The following PDE3B variants were observed in gnomAD, a reference collection of about 807,000 sequenced individuals.
PDE3B encodes the protein cGMP-inhibited 3',5'-cyclic phosphodiesterase 3B.
In PDE3B, 66 loss-of-function variants were observed where a neutral mutation model predicts 116.8. That is an observed-to-expected ratio of 0.56 (90% CI 0.46 to 0.69). The LOEUF (loss-of-function observed/expected upper bound fraction) is 0.69, where lower values mean the gene tolerates loss of function less well. Ranked by LOEUF, PDE3B falls within the 30% of genes least tolerant of loss-of-function variation. The pLI is 0.00. For missense variants in PDE3B, 1,384 were observed against 1,368.1 expected (o/e 1.01, Z -0.18); for synonymous variants, 595 against 533.6 (o/e 1.12, Z -1.59).
intron 1 of PDE3B, among the ~76,000 whole-genome samples, chr11:14,760,552 C>T (rs369149448): frequency 6.7e-4 from 102 of 152,208 alleles, no homozygotes; most frequent in African/African-American, 2.3e-3. Context: ...CCTCATTGAC[C>T]ATCAGCATAC....
At chr11:14,704,484 G>A (rs1013860975) in intron 1 of PDE3B, among the ~76,000 whole-genome samples, 4 of 151,648 alleles carry the variant, frequency 2.6e-5, no homozygotes, top group Admixed American at 2.0e-4. Flanking sequence ...CAGATCAATA[G>A]TCAAAGCAAT....
At chr11:14,718,517 G>A (rs1349249759) in intron 1 of PDE3B, among the ~76,000 whole-genome samples, 3 of 148,642 alleles carry the variant, frequency 2.0e-5, no homozygotes, top group Non-Finnish European at 4.5e-5. Context: ...CCACATAGTT[G>A]GAAGTAAAGC....
At chr11:14,663,423 A>T (rs904065610) in intron 1 of PDE3B, among the ~76,000 whole-genome samples, 1 of 152,150 alleles carries the variant, frequency 6.6e-6, no homozygotes, top group Non-Finnish European at 1.5e-5. Context: ...TAACCAGCTA[A>T]CATCATAATG....
intron 4 of PDE3B, among the ~76,000 whole-genome samples, chr11:14,797,727 G>T (rs920563605): frequency 2.6e-5 from 4 of 152,024 alleles, no homozygotes; most frequent in Admixed American, 6.6e-5. Context: ...TGGCTCTCTT[G>T]TTTGTCTGTT....
chr11:14,880,857 G>T, the PDE3B span: 40 of 1,242,992 alleles, frequency 3.2e-5, no homozygotes, highest in East Asian at 9.9e-4. Context: ...TGGATGGTTA[G>T]TCATCCTTCT....
At chr11:14,869,299 T>C (rs1281851801) in intron 15 of PDE3B, among the ~76,000 whole-genome samples, 162 bp from the exon 16 acceptor site, 1 of 152,052 alleles carries the variant, frequency 6.6e-6, no homozygotes. Context: ...GGATTATTTT[T>C]ATAGTACTAT....
intron 1 of PDE3B, among the ~76,000 whole-genome samples, chr11:14,667,104 G>A (rs947718505): frequency 2.4e-4 from 36 of 151,872 alleles, no homozygotes; most frequent in African/African-American, 4.6e-4. Flanking sequence ...CTATGCAGCC[G>A]TAAAAAATGA....
chr11:14,686,952 A>T (rs975695789), intron 1 of PDE3B, among the ~76,000 whole-genome samples: 3 of 152,116 alleles, frequency 2.0e-5, no homozygotes, highest in African/African-American at 7.2e-5. Context: ...TGACCTTGTG[A>T]TCCACCTGCC....
chr11:14,858,897 C>T lies in PDE3B; in HGVS notation c.2521-146C>T, dbSNP rs932622710. ...CTACTCATTTATAAAATTATCACAA[C>T]CTATTTTCACAGGTACTAAAATACC... On this transcript the variant is annotated intron_variant, in intron 12 of 15. Transcript: ENST00000282096. 11 of 564,262 alleles carry T rather than the reference C, an allele frequency of 1.9e-5. No individual in the cohort carries two copies. The South Asian group carries it at 2.7e-4, about 14-fold the overall frequency. The allele number at this position is 564,262 out of a possible 1,614,324, so 35.0% of individuals were successfully genotyped here.
At chr11:14,891,320 G>A in the PDE3B span, 1 of 985,406 alleles carries the variant, frequency 1.0e-6, no homozygotes, top group South Asian at 4.7e-5. Flanking sequence ...CGCCTTTTAA[G>A]TATCTGCTAA....
the PDE3B span, among the ~76,000 whole-genome samples, chr11:14,895,191 A>G: frequency 1.3e-5 from 2 of 152,228 alleles, no homozygotes; most frequent in South Asian, 2.1e-4. Context: ...AGAGCTCCCC[A>G]CACAGAGTGA....
At chr11:14,877,878 C>T in the PDE3B span, 2 of 482,846 alleles carry the variant, frequency 4.1e-6, no homozygotes, top group Non-Finnish European at 7.3e-6. Flanking sequence ...GCATTTTAAG[C>T]AACACCCATC....
intron 1 of PDE3B, among the ~76,000 whole-genome samples, chr11:14,722,048 C>G (rs1226131723): frequency 1.3e-5 from 2 of 151,040 alleles, no homozygotes; most frequent in East Asian, 3.9e-4. Context: ...TCTCAGCAAA[C>G]TATCGCCAGG....
intron 4 of PDE3B, among the ~76,000 whole-genome samples, chr11:14,794,360 A>G (rs1858484942): frequency 6.8e-6 from 1 of 147,802 alleles, no homozygotes; most frequent in Non-Finnish European, 1.5e-5. Context: ...TCTGTTGCCC[A>G]GGCTGGAGTG....
At chr11:14,856,919 G>A (rs782810766) in intron 12 of PDE3B, among the ~76,000 whole-genome samples, 11 of 150,394 alleles carry the variant, frequency 7.3e-5, no homozygotes, top group Non-Finnish European at 1.5e-4. Context: ...TTTTGTTAAT[G>A]TTTCCTCCTG....
chr11:14,650,893 T>A (rs1853556356), intron 1 of PDE3B, among the ~76,000 whole-genome samples: 1 of 151,852 alleles, frequency 6.6e-6, no homozygotes. Flanking sequence ...ACCAGCACCT[T>A]GGTTTAGCTT....
downstream of PDE3B, among the ~76,000 whole-genome samples, chr11:14,874,711 A>G (rs956330217): frequency 1.3e-5 from 2 of 152,016 alleles, no homozygotes; most frequent in African/African-American, 2.4e-5. Context: ...TACAAAGCAA[A>G]GAGCTTATTC....
At chr11:14,858,443 G>T (rs1243358979) in intron 12 of PDE3B, among the ~76,000 whole-genome samples, 5 of 152,166 alleles carry the variant, frequency 3.3e-5, no homozygotes, top group Non-Finnish European at 7.3e-5. Context: ...TGTAGAAAAA[G>T]TGAGTAGTTC....
At chr11:14,748,287 TTA>T (rs1856966957) in intron 1 of PDE3B, among the ~76,000 whole-genome samples, 1 of 152,208 alleles carries the variant, frequency 6.6e-6, no homozygotes, top group South Asian at 2.1e-4. Flanking sequence ...ATGTAGCTGT[TTA>T]TGTTTCAGAT....
Sources: allele counts gnomAD v4.1 joint callset (sites outside exome capture counted in the v4.1 genomes callset), GRCh38; gene constraint gnomAD v4.1.1; transcripts MANE v1.5; gene names NCBI Gene and HGNC (gene_info 2026-07-23, HGNC 2026-07-21).